SGIP1: variants seen among roughly 807,000 people sequenced by gnomAD.
SGIP1 encodes the protein SH3GL interacting endocytic adaptor 1, also known as SH3-containing GRB2-like protein 3-interacting protein 1.
Under a neutral mutation model 107.5 loss-of-function variants are expected in SGIP1, and 38 were observed. That is an observed-to-expected ratio of 0.35 (90% CI 0.27 to 0.46). The LOEUF is 0.46. SGIP1 is among the 20% of genes least tolerant of loss of function. The pLI is 1.00. For missense variants in SGIP1, 929 were observed against 1,019.5 expected (o/e 0.91, Z 1.21); for synonymous variants, 365 against 366.1 (o/e 1.00, Z 0.03).
chr1:66,679,671 T>C lies in SGIP1; in HGVS notation c.740-7T>C. 2 of 1,603,244 alleles carry C rather than the reference T, an allele frequency of 1.2e-6. No individual in the cohort carries two copies. Among genetic ancestry groups the C allele is most frequent in the Non-Finnish European group, 1.7e-6 (2 of 1,176,832 alleles). On this transcript the variant is annotated splice_polypyrimidine_tract_variant and splice_region_variant and intron_variant, in intron 13 of 24. Coordinates refer to ENST00000371037, the MANE Select transcript of SGIP1 (RefSeq NM_032291.4). ...CCAATGATACTTAATTTCTCATCTT[T>C]TTGCAGCACCTCCACCACTGCCTCC...
intron 18 of SGIP1, among the ~76,000 whole-genome samples, chr1:66,711,175 T>G (rs115445646): frequency 0.02 from 3,029 of 152,328 alleles, 96 homozygotes; most frequent in African/African-American, 0.069. Flanking sequence ...TCTATCATTA[T>G]GTACTATGAA....
intron 7 of SGIP1, among the ~76,000 whole-genome samples, chr1:66,645,762 A>G (rs2077542765): frequency 6.6e-6 from 1 of 152,198 alleles, no homozygotes; most frequent in South Asian, 2.1e-4. Context: ...GTAACTGAAA[A>G]CATATTCTTG....
rs140620789 is a variant in SGIP1, at chr1:66,739,490, C to T, written c.2187C>T (p.Ile729=). 10 of 1,614,140 alleles carry T rather than the reference C, an allele frequency of 6.2e-6. No homozygotes were observed. The highest frequency in any genetic ancestry group is 5.3e-5 in the African/African-American group (4 of 75,030). The change falls in exon 22 of 25, where the codon ATC becomes ATT. Residue 729 remains isoleucine (I), a synonymous_variant. Transcript: ENST00000371037. ...ACAATGTGCAGTTCCTGGTCCCCAT[C>T]GACGGAGGAGTCACCAAGCTCCAGG... ...ALNNVQFLVP[I]DGGVTKLQAV...
intron 1 of SGIP1, among the ~76,000 whole-genome samples, chr1:66,555,552 A>T (rs772788375): frequency 6.6e-5 from 10 of 152,176 alleles, no homozygotes; most frequent in Non-Finnish European, 1.5e-4. Flanking sequence ...GGTTGAATTA[A>T]CAAATGACTC....
At chr1:66,709,188 C>A (rs1012800628) in intron 18 of SGIP1, among the ~76,000 whole-genome samples, 2 of 150,814 alleles carry the variant, frequency 1.3e-5, no homozygotes, top group Admixed American at 6.6e-5. Context: ...CCCAGCCCCC[C>A]ACCCCCGACA....
intron 1 of SGIP1, among the ~76,000 whole-genome samples, chr1:66,615,376 G>A (rs566171304): frequency 1.3e-4 from 19 of 151,918 alleles, no homozygotes; most frequent in Admixed American, 5.9e-4. Context: ...CAGGTGACCC[G>A]CCTGCCTCAG....
intron 1 of SGIP1, among the ~76,000 whole-genome samples, chr1:66,547,344 T>C (rs1310111682): frequency 1.3e-5 from 2 of 152,174 alleles, no homozygotes. Flanking sequence ...AATGGATACA[T>C]AGTGGGACAA....
chr1:66,560,385 G>A (rs372172465), intron 1 of SGIP1, among the ~76,000 whole-genome samples: 2 of 151,978 alleles, frequency 1.3e-5, no homozygotes, highest in East Asian at 3.9e-4. Context: ...TAAACAAATA[G>A]AGGGAACTCT....
intron 1 of SGIP1, among the ~76,000 whole-genome samples, chr1:66,535,020 A>T (rs1396631541): frequency 6.6e-6 from 1 of 152,188 alleles, no homozygotes; most frequent in African/African-American, 2.4e-5. Context: ...TGCTCCCTAA[A>T]TGCTTTCCCT....
intron 9 of SGIP1, 121 bp from the exon 10 acceptor site, chr1:66,670,874 A>G (rs2083613591): frequency 8.5e-6 from 4 of 469,322 alleles, no homozygotes; most frequent in Non-Finnish European, 1.5e-5. Flanking sequence ...GTTCTGAGAA[A>G]AAGTTCATTT....
At chr1:66,725,699 G>C (rs1445031735) in intron 19 of SGIP1, among the ~76,000 whole-genome samples, 1 of 152,228 alleles carries the variant, frequency 6.6e-6, no homozygotes, top group East Asian at 1.9e-4. Context: ...TTCAGGCGAA[G>C]GCAGTGATCC....
At chr1:66,598,518 G>A (rs2065153214) in intron 1 of SGIP1, among the ~76,000 whole-genome samples, 2 of 152,152 alleles carry the variant, frequency 1.3e-5, no homozygotes, top group African/African-American at 4.8e-5. Flanking sequence ...AGACTGAGTA[G>A]TTTATAAAGA....
In SGIP1 at chr1:66,548,842, A is replaced by C. The variant is rs562809416; in HGVS notation, c.10+14474A>C. ...ACTAGATTCACCTGTGCACTTCTCC[A>C]ATTCATAGCCCTCTCTTCCTACCTG... On this transcript the variant is annotated intron_variant, in intron 1 of 24. Coordinates refer to ENST00000371037, the MANE Select transcript of SGIP1 (RefSeq NM_032291.4). 7.9e-5 allele frequency among the ~76,000 whole-genome samples: 12 copies of C among 152,258 alleles called. No individual in the cohort carries two copies. In the South Asian group the frequency reaches 2.5e-3, roughly 32 times the overall value.
intron 1 of SGIP1, among the ~76,000 whole-genome samples, chr1:66,554,704 A>G (rs1456074206): frequency 6.6e-6 from 1 of 152,114 alleles, no homozygotes; most frequent in African/African-American, 2.4e-5. Flanking sequence ...TCCCCAAGAT[A>G]CCTCCTAAGG....
Position 66,744,739 on chromosome 1 carries a change from TA to T in SGIP1, c.*1645del, listed in dbSNP as rs1184077423. 6.6e-6 allele frequency: 1 copy of T among 152,464 alleles called. No homozygotes were observed. Among genetic ancestry groups the T allele is most frequent in the Non-Finnish European group, 1.5e-5 (1 of 67,928 alleles). The allele number at this position is 152,464 out of a possible 1,614,324, so 9.4% of individuals were successfully genotyped here. On this transcript the variant is annotated 3_prime_UTR_variant, in exon 25 of 25. Coordinates refer to ENST00000371037, the MANE Select transcript of SGIP1 (RefSeq NM_032291.4). ...TTTGTACTCCTCTATCAGTGCTTGC[TA>T]CCAAGAGAATGTCCAAAATGATTTG...
intron 7 of SGIP1, among the ~76,000 whole-genome samples, chr1:66,644,946 C>T (rs1444639961): frequency 6.6e-6 from 1 of 152,024 alleles, no homozygotes; most frequent in African/African-American, 2.4e-5. Flanking sequence ...TTTAAAGTTA[C>T]ATATTGGCCT....
chr1:66,566,510 G>A (rs1264753640), intron 1 of SGIP1, among the ~76,000 whole-genome samples: 1 of 151,886 alleles, frequency 6.6e-6, no homozygotes, highest in Non-Finnish European at 1.5e-5. Flanking sequence ...GCAGAATCTA[G>A]TCCAGTGGAA....
chr1:66,685,624 CTACCTAGGGTTGAA>C (rs1286966975), intron 15 of SGIP1, among the ~76,000 whole-genome samples: 2 of 152,220 alleles, frequency 1.3e-5, no homozygotes, highest in African/African-American at 4.8e-5. Context: ...TTAGTCTGAG[CTACCTAGGGTTGAA>C]TTAACTGAAT....
chr1:66,740,945 C>T (rs1435192338), intron 23 of SGIP1, among the ~76,000 whole-genome samples: 2 of 152,186 alleles, frequency 1.3e-5, no homozygotes, highest in African/African-American at 4.8e-5. Context: ...ATTTAGGCCT[C>T]TTAAGGAGGC....
Sources: gnomAD v4.1 joint callset for allele counts (sites outside exome capture counted in the v4.1 genomes callset) on GRCh38, gnomAD v4.1.1 for gene constraint, MANE v1.5 for transcripts, NCBI Gene and HGNC (gene_info 2026-07-23, HGNC 2026-07-21) for gene names.